CSAD: variants seen among roughly 807,000 people sequenced by gnomAD.
The protein encoded by CSAD is cysteine sulfinic acid decarboxylase.
CSAD carries 47 observed loss-of-function variants against 61.5 expected under a neutral mutation model. The ratio of observed to expected loss-of-function variants is 0.76; its 90% CI spans 0.60 to 0.97. The LOEUF is 0.97. Ranked by LOEUF, CSAD falls within the 50% of genes least tolerant of loss-of-function variation. CSAD has a pLI of 0.00. For synonymous variants in CSAD, 245 were observed against 252.7 expected, an observed-to-expected ratio of 0.97 and a Z score of 0.29; for missense variants, 611 against 643.6, an observed-to-expected ratio of 0.95 and a Z score of 0.55.
chr12:53,172,608 A>T lies in CSAD; in HGVS notation c.167T>A (p.Leu56Gln). ...GCCCTGGCTCCGCAGCTCCAAATCC[A>T]GCAGCTGCTTCAGCTCCTCAGGCTC... ...WKEPEELKQL[L>Q]DLELRSQGES... is the part of the protein sequence containing the mutation. The change falls in exon 5 of 17, where the codon CTG becomes CAG. Residue 56 changes from leucine (L) to glutamine (Q), a missense_variant. Transcript: ENST00000444623. 7 of 1,610,926 alleles carry T rather than the reference A, an allele frequency of 4.3e-6. No individual in the cohort carries two copies. The highest frequency in any genetic ancestry group is 5.1e-6 in the Non-Finnish European group (6 of 1,178,938).
intron 10 of CSAD, among the ~76,000 whole-genome samples, chr12:53,167,310 C>T (rs1265453151): frequency 6.6e-6 from 1 of 152,196 alleles, no homozygotes; most frequent in East Asian, 1.9e-4. Context: ...TGCACATACA[C>T]AGAATCTTCT....
intron 4 of CSAD, 110 bp from the exon 5 acceptor site, chr12:53,172,758 G>C: frequency 8.0e-7 from 1 of 1,242,438 alleles, no homozygotes. Flanking sequence ...AACAACTTCG[G>C]GATATTTCCA....
At chr12:53,169,322 A>G (rs1387895818) in intron 10 of CSAD, among the ~76,000 whole-genome samples, 1 of 151,912 alleles carries the variant, frequency 6.6e-6, no homozygotes, top group Non-Finnish European at 1.5e-5. Flanking sequence ...TCTACTAAAA[A>G]TACAAAATTA....
At chr12:53,179,670 C>CA (rs200549672) in intron 1 of CSAD, 150,947 of 757,574 alleles carry the variant, frequency 0.2, 227 homozygotes, top group South Asian at 0.24. Flanking sequence ...AATCTGTCTA[C>CA]AAAAAAAAAA....
rs528281348 is a variant in CSAD at position 53,176,603 on chromosome 12, C to T, written c.-50+2499G>A. Among the ~76,000 whole-genome samples, 37 of 151,748 alleles carry T rather than the reference C, an allele frequency of 2.4e-4. 2 individuals are homozygous for T. The highest frequency in any genetic ancestry group is 2.2e-3 in the Admixed American group (34 of 15,250). On this transcript the variant is annotated intron_variant, in intron 2 of 16. Transcript: ENST00000444623. The stretch of plus-strand genomic sequence containing the variant: ...GCATGGTGGTGGGCACCTGCAGTCC[C>T]AGCTACTCAGGAGGCTGAGGCAGGA...
intron 10 of CSAD, among the ~76,000 whole-genome samples, chr12:53,169,503 A>G (rs753859299): frequency 9.1e-4 from 137 of 151,168 alleles, no homozygotes; most frequent in Non-Finnish European, 6.1e-4. Flanking sequence ...AAATTTTTAC[A>G]TTTATATTTA....
chr12:53,161,079 A>T, intron 12 of CSAD, 48 bp downstream of exon 12: 1 of 1,577,632 alleles, frequency 6.3e-7, no homozygotes, highest in Non-Finnish European at 8.7e-7. Context: ...GATTCTCTGG[A>T]CCAATGGTTT....
intron 10 of CSAD, among the ~76,000 whole-genome samples, chr12:53,168,153 T>C (rs1940137685): frequency 6.6e-6 from 1 of 152,192 alleles, no homozygotes; most frequent in Non-Finnish European, 1.5e-5. Flanking sequence ...GATTCCAGAA[T>C]TCACAACAGG....
chr12:53,160,441 C>A, intron 13 of CSAD, 122 bp from the exon 14 acceptor site: 2 of 987,758 alleles, frequency 2.0e-6, no homozygotes, highest in Admixed American at 2.1e-5. Flanking sequence ...GATGGCACTG[C>A]TGGGACGGCT....
rs1429890581 is a variant in CSAD at position 53,158,646 on chromosome 12, G to T, written c.1347C>A (p.Gly449=). The stretch of plus-strand genomic sequence containing the variant: ...GGGGCTGGTAGCCAATCATCATGGA[G>T]CCCTCCTTCACCATGCGCTCCTTGA... ...PVLKERMVKE[G]SMMIGYQPHG... The change falls in exon 17 of 17, where the codon GGC becomes GGA. Residue 449 remains glycine (G), a synonymous_variant. Coordinates refer to ENST00000444623, the MANE Select transcript of CSAD (RefSeq NM_001244705.2). The T allele has an allele frequency of 2.5e-6, 4 of 1,614,174 alleles. No individual in the cohort carries two copies. The Admixed American group carries it at 5.0e-5, about 20-fold the overall frequency.
At chr12:53,162,592 G>A (rs1354345499) in intron 10 of CSAD, among the ~76,000 whole-genome samples, 1 of 151,938 alleles carries the variant, frequency 6.6e-6, no homozygotes, top group Non-Finnish European at 1.5e-5. Context: ...AATTTGAATA[G>A]TACAAAAGTT....
At chr12:53,174,977 A>AC (rs1159409742) in intron 2 of CSAD, among the ~76,000 whole-genome samples, 5 of 151,838 alleles carry the variant, frequency 3.3e-5, no homozygotes, top group African/African-American at 7.3e-5. Context: ...CAACCCCTCA[A>AC]CCCCCGCTGG....
At chr12:53,181,220 C>G, upstream of CSAD, 1 of 985,452 alleles carries the variant, frequency 1.0e-6, no homozygotes, top group Non-Finnish European at 1.2e-6. Context: ...CAGCAAGTTT[C>G]CCTACCTTCG....
At chr12:53,177,088 G>A (rs1208466226) in intron 2 of CSAD, among the ~76,000 whole-genome samples, 1 of 152,000 alleles carries the variant, frequency 6.6e-6, no homozygotes, top group African/African-American at 2.4e-5. Context: ...TTTAGTGTTG[G>A]TTATATTCTT....
At chr12:53,179,816 C>G (rs1286960222) in intron 1 of CSAD, 3 of 1,613,888 alleles carry the variant, frequency 1.9e-6, no homozygotes, top group Non-Finnish European at 1.7e-6. Flanking sequence ...CATCTCCTTC[C>G]ATCAAGCGCA....
intron 8 of CSAD, 28 bp from the exon 9 acceptor site, chr12:53,170,530 G>A: frequency 6.4e-7 from 1 of 1,572,924 alleles, no homozygotes; most frequent in Non-Finnish European, 8.8e-7. Context: ...GGGCAAGTTA[G>A]CACAACTTGA....
Position 53,167,102 on chromosome 12 carries a change from A to C in CSAD, c.702+2970T>G, listed in dbSNP as rs75314247. ...GTAATGCCCTCTGGCTAGTGTCACA[A>C]AACAAAGCAAAATAAAACAGTTCCA... On this transcript the variant is annotated intron_variant, in intron 10 of 16. Transcript: ENST00000444623. 2.1e-3 allele frequency among the ~76,000 whole-genome samples: 318 copies of C among 152,288 alleles called. 1 individual carries two copies. Among genetic ancestry groups the C allele is most frequent in the African/African-American group, 7.4e-3 (308 of 41,550 alleles).
rs1262855979 is a variant in CSAD at position 53,158,709 on chromosome 12, C to T, written c.1309-25G>A. 3 of 1,607,504 alleles carry T rather than the reference C, an allele frequency of 1.9e-6. No homozygotes were observed. The South Asian group carries it at 3.3e-5, about 18-fold the overall frequency. ...CCTGTGGAAGGGTGGAGAGAGATTCCAGCTGCAGCCTGGGTCGGCTGACAG... is the reference window on the plus strand; with the variant it reads ...CCTGTGGAAGGGTGGAGAGAGATTCTAGCTGCAGCCTGGGTCGGCTGACAG... On this transcript the variant is annotated intron_variant, in intron 16 of 16. Transcript: ENST00000444623.
At chr12:53,170,622 C>T (rs927405902) in intron 8 of CSAD, 120 bp from the exon 9 acceptor site, 12 of 770,582 alleles carry the variant, frequency 1.6e-5, no homozygotes, top group Non-Finnish European at 2.1e-5. Context: ...CAAATGTCAG[C>T]GTGCATACGA....
Sources: gnomAD v4.1 joint callset for allele counts (sites outside exome capture counted in the v4.1 genomes callset) on GRCh38, gnomAD v4.1.1 for gene constraint, MANE v1.5 for transcripts, NCBI Gene and HGNC (gene_info 2026-07-23, HGNC 2026-07-21) for gene names.